DERA: variants seen among roughly 807,000 people sequenced by gnomAD.
The protein encoded by DERA is 2-deoxy-D-ribose 5-phosphate aldolase.
DERA carries 15 observed loss-of-function variants against 41.1 expected under a neutral mutation model. That is an observed-to-expected ratio of 0.37 (90% CI 0.24 to 0.56). DERA has a LOEUF of 0.56. Among genes scored for constraint, DERA ranks in the 20% least tolerant of loss-of-function variants. DERA has a pLI of 0.81. For synonymous variants in DERA, 139 were observed against 137.4 expected (o/e 1.01, Z -0.08); for missense variants, 396 against 403.4 (o/e 0.98, Z 0.16).
In DERA at chr12:16,003,125, C is replaced by G. The variant is rs1023127757; in HGVS notation, c.637+20689C>G. ...ATGAGAAAGAATCTGTTTTGTGGCT[C>G]TCCCCTTACTTGCAGGGGATTGTTG... is the stretch of plus-strand genomic sequence containing the variant. On this transcript the variant is annotated intron_variant, in intron 6 of 8. Transcript: ENST00000428559. This position sits in a 1 kb window ranked among gnomAD's most constrained non-coding sequence, Gnocchi z 4.8. Among the ~76,000 whole-genome samples the G allele has an allele frequency of 1.3e-5, 2 of 152,122 alleles. No individual in the cohort carries two copies. Among genetic ancestry groups the G allele is most frequent in the Non-Finnish European group, 2.9e-5 (2 of 68,026 alleles).
chr12:16,004,968 C>A lies in DERA; in HGVS notation c.637+22532C>A, dbSNP rs758960326. The stretch of plus-strand genomic sequence containing the variant: ...ATAACTAGATAAAGAAGAAACAGAG[C>A]AACTGAGGATTTGGTTTTATGCCCT... On this transcript the variant is annotated intron_variant, in intron 6 of 8. Transcript: ENST00000428559. This position sits in a 1 kb window ranked among gnomAD's most constrained non-coding sequence, Gnocchi z 4.2. 1.3e-5 allele frequency among the ~76,000 whole-genome samples: 2 copies of A among 152,048 alleles called. No individual in the cohort carries two copies. Among genetic ancestry groups the A allele is most frequent in the Non-Finnish European group, 2.9e-5 (2 of 67,990 alleles).
Position 16,011,446 on chromosome 12 carries a change from T to C in DERA, c.638-21096T>C, listed in dbSNP as rs1201941293. Among the ~76,000 whole-genome samples, 1 of 152,166 alleles carries C rather than the reference T, an allele frequency of 6.6e-6. No individual in the cohort carries two copies. The highest frequency in any genetic ancestry group is 2.4e-5 in the African/African-American group (1 of 41,466). On this transcript the variant is annotated intron_variant, in intron 6 of 8. Coordinates refer to ENST00000428559, the MANE Select transcript of DERA (RefSeq NM_015954.4). This position sits in a 1 kb window ranked among gnomAD's most constrained non-coding sequence, Gnocchi z 4.7. ...AAATCTGAAATGTGAAATGCTCCAG[T>C]GATCATTTCTTTTGAGTATTGTATC... is the stretch of plus-strand genomic sequence containing the variant.
rs1394177121 is a variant in DERA, at chr12:15,966,700, C to A, written c.508+3753C>A. On this transcript the variant is annotated intron_variant, in intron 5 of 8. Coordinates refer to ENST00000428559, the MANE Select transcript of DERA (RefSeq NM_015954.4). The surrounding 1 kb of genome is among the most constrained non-coding windows in gnomAD (Gnocchi z 5.1). ...GGTCTTCCTTTCTGTTTCTGATTAC[C>A]CCTGCGTCTCATTTGCAAGCTCCTT... Among the ~76,000 whole-genome samples, 1 of 151,938 alleles carries A rather than the reference C, an allele frequency of 6.6e-6. No individual in the cohort carries two copies. Among genetic ancestry groups the A allele is most frequent in the African/African-American group, 2.4e-5 (1 of 41,364 alleles).
At chr12:15,975,355 C>T (rs942828371) in intron 5 of DERA, among the ~76,000 whole-genome samples, 2 of 152,060 alleles carry the variant, frequency 1.3e-5, no homozygotes, top group African/African-American at 4.8e-5. Context: ...ATCGGATGAG[C>T]CAGTTTATCG....
chr12:15,956,986 C>T lies in DERA; in HGVS notation c.82C>T (p.Arg28Cys), dbSNP rs374442153. The T allele has an allele frequency of 1.5e-5, 25 of 1,613,750 alleles. No homozygotes were observed. The highest frequency in any genetic ancestry group is 6.7e-5 in the African/African-American group (5 of 74,908). ...AGTGAATCACCCGGCAGTTCTGAGG[C>T]GTGCGGAACAAATCCAGGCTCGCAG... ...IQVNHPAVLRRAEQIQARRTV... is the reference protein window; with the variant it reads ...IQVNHPAVLRCAEQIQARRTV... The change falls in exon 2 of 9, where the codon CGT (arginine) becomes TGT (cysteine). Residue 28 changes from arginine (R) to cysteine (C), a missense_variant. Transcript: ENST00000428559.
At chr12:15,952,548 A>C (rs1948506505) in intron 1 of DERA, among the ~76,000 whole-genome samples, 1 of 152,244 alleles carries the variant, frequency 6.6e-6, no homozygotes, top group Non-Finnish European at 1.5e-5. Context: ...AAAAATAAAA[A>C]GGAACAGGTG....
intron 6 of DERA, among the ~76,000 whole-genome samples, chr12:16,027,993 A>G (rs925304430): frequency 1.3e-5 from 2 of 152,230 alleles, no homozygotes; most frequent in Non-Finnish European, 2.9e-5. Flanking sequence ...CATGGATTCC[A>G]TATATTTACA....
chr12:15,952,268 A>G (rs1948503926), intron 1 of DERA, among the ~76,000 whole-genome samples: 1 of 152,186 alleles, frequency 6.6e-6, no homozygotes, highest in African/African-American at 2.4e-5. Flanking sequence ...ATTGAACTGG[A>G]CATGGATCTT....
intron 1 of DERA, among the ~76,000 whole-genome samples, chr12:15,923,837 C>T (rs1948263646): frequency 6.6e-6 from 1 of 152,074 alleles, no homozygotes; most frequent in Admixed American, 6.5e-5. Flanking sequence ...TGGGCTTTCT[C>T]ATCTGCCCCT....
At chr12:16,006,071 C>T (rs1190051330) in intron 6 of DERA, among the ~76,000 whole-genome samples, 2 of 152,296 alleles carry the variant, frequency 1.3e-5, no homozygotes, top group East Asian at 1.9e-4. Context: ...GGATGTAACA[C>T]GTTCAGCAAA....
At chr12:15,961,446 C>A (rs114185467) in intron 4 of DERA, among the ~76,000 whole-genome samples, 1 of 151,760 alleles carries the variant, frequency 6.6e-6, no homozygotes, top group African/African-American at 2.4e-5. Flanking sequence ...GGGGCTCAGG[C>A]GAGAGGATTG....
Position 15,999,839 on chromosome 12 carries a change from G to A in DERA, c.637+17403G>A, listed in dbSNP as rs560301410. On this transcript the variant is annotated intron_variant, in intron 6 of 8. Coordinates refer to ENST00000428559, the MANE Select transcript of DERA (RefSeq NM_015954.4). This position sits in a 1 kb window ranked among gnomAD's most constrained non-coding sequence, Gnocchi z 5.3. The stretch of plus-strand genomic sequence containing the variant: ...TGTATGTCAGACACTGGATGACAAA[G>A]ATTATTATGACACCCTCAATCCAGA... 1.4e-4 allele frequency among the ~76,000 whole-genome samples: 22 copies of A among 152,290 alleles called. No homozygotes were observed. The highest frequency in any genetic ancestry group is 3.6e-4 in the African/African-American group (15 of 41,576).
intron 1 of DERA, among the ~76,000 whole-genome samples, chr12:15,953,374 A>G (rs1948513140): frequency 6.6e-6 from 1 of 152,216 alleles, no homozygotes; most frequent in African/African-American, 2.4e-5. Context: ...CTGCAGAAAC[A>G]CAAATGAAAA....
At chr12:15,960,632 G>A (rs1253706374) in intron 4 of DERA, among the ~76,000 whole-genome samples, 12 of 65,188 alleles carry the variant, frequency 1.8e-4, no homozygotes, top group South Asian at 5.5e-4. Context: ...CCAAGACTCC[G>A]TCTCAAAAAA....
At chr12:15,946,465 A>G (rs1948449675) in intron 1 of DERA, among the ~76,000 whole-genome samples, 1 of 152,124 alleles carries the variant, frequency 6.6e-6, no homozygotes, top group Non-Finnish European at 1.5e-5. Context: ...GGGAGGATGT[A>G]TGTGTCCAGG....
chr12:16,002,252 G>A (rs1029514909), intron 6 of DERA, among the ~76,000 whole-genome samples: 3 of 150,684 alleles, frequency 2.0e-5, no homozygotes, highest in African/African-American at 4.9e-5. Context: ...TATTCTTAAC[G>A]CTAAAGTTAA....
chr12:15,974,419 T>A (rs1948684204), intron 5 of DERA, among the ~76,000 whole-genome samples: 1 of 152,192 alleles, frequency 6.6e-6, no homozygotes, highest in Non-Finnish European at 1.5e-5. Flanking sequence ...GGCCTGTTGT[T>A]TTGTAAAATA....
chr12:15,945,398 G>T (rs962791602), intron 1 of DERA, among the ~76,000 whole-genome samples: 3 of 152,040 alleles, frequency 2.0e-5, no homozygotes, highest in Non-Finnish European at 4.4e-5. Context: ...TGTCCTCTTT[G>T]ATTTCGTTGA....
intron 1 of DERA, among the ~76,000 whole-genome samples, chr12:15,944,330 T>A (rs1948430589): frequency 6.6e-6 from 1 of 152,166 alleles, no homozygotes; most frequent in Non-Finnish European, 1.5e-5. Flanking sequence ...GTTGAACTAG[T>A]TTACACTCCC....
Sources: allele counts gnomAD v4.1 joint callset (sites outside exome capture counted in the v4.1 genomes callset), GRCh38; gene constraint gnomAD v4.1.1; non-coding constraint Gnocchi (gnomAD v3.1); transcripts MANE v1.5; gene names NCBI Gene and HGNC (gene_info 2026-07-23, HGNC 2026-07-21).